ZHX2: variants seen among roughly 807,000 people sequenced by gnomAD.
ZHX2 encodes the protein zinc fingers and homeoboxes protein 2.
In ZHX2, 6 loss-of-function variants were observed where a neutral mutation model predicts 21.9. That is an observed-to-expected ratio of 0.27 (90% CI 0.15 to 0.54). ZHX2 has a LOEUF of 0.54. ZHX2 is among the 20% of genes least tolerant of loss of function. ZHX2 has a pLI of 0.95. For missense variants in ZHX2, 908 were observed against 1,090.7 expected, an observed-to-expected ratio of 0.83 and a Z score of 2.36; for synonymous variants, 434 against 437.1, an observed-to-expected ratio of 0.99 and a Z score of 0.09.
intron 2 of ZHX2, among the ~76,000 whole-genome samples, chr8:122,888,655 G>T (rs891163751): frequency 6.6e-6 from 1 of 152,092 alleles, no homozygotes; most frequent in South Asian, 2.1e-4. Flanking sequence ...GCTAATTTTT[G>T]TATTCTTAAT....
intron 2 of ZHX2, among the ~76,000 whole-genome samples, chr8:122,904,309 C>T (rs186978591): frequency 8.5e-4 from 129 of 152,328 alleles, no homozygotes; most frequent in African/African-American, 2.9e-3. Flanking sequence ...CCAGCCCCTG[C>T]TCCACCAGCA....
chr8:122,949,943 A>G (rs2130263395), intron 2 of ZHX2, among the ~76,000 whole-genome samples: 2 of 152,292 alleles, frequency 1.3e-5, no homozygotes, highest in East Asian at 3.9e-4. Flanking sequence ...TCTAATCAGC[A>G]AGGCTTTTTA....
At chr8:122,787,048 A>G (rs938662030) in intron 1 of ZHX2, among the ~76,000 whole-genome samples, 13 of 138,744 alleles carry the variant, frequency 9.4e-5, no homozygotes, top group African/African-American at 3.6e-4. Flanking sequence ...TCCTGTTCTT[A>G]CACTTGTAAT....
chr8:122,841,118 T>C (rs188382514), intron 1 of ZHX2, among the ~76,000 whole-genome samples: 1 of 152,326 alleles, frequency 6.6e-6, no homozygotes, highest in African/African-American at 2.4e-5. Context: ...CAGCATTACG[T>C]ACTGCTGCCA....
At position 122,935,777 on chromosome 8, in the gene ZHX2, C is replaced by T. The variant is rs772524410; in HGVS notation, c.-219-15515C>T. Among the ~76,000 whole-genome samples, 30 of 152,172 alleles carry T rather than the reference C, an allele frequency of 2.0e-4. 1 individual carries two copies. The highest frequency in any genetic ancestry group is 5.1e-4 in the African/African-American group (21 of 41,526). On this transcript the variant is annotated intron_variant, in intron 2 of 3. Coordinates refer to ENST00000314393, the MANE Select transcript of ZHX2 (RefSeq NM_014943.5). ...GTCTCGATCTCCTGACCTCGTGATC[C>T]GCCCACCTCAGCCTCCCAAAGTGCT...
chr8:122,912,802 C>A (rs1820513612), intron 2 of ZHX2, among the ~76,000 whole-genome samples: 2 of 152,014 alleles, frequency 1.3e-5, no homozygotes, highest in South Asian at 2.1e-4. Context: ...GCAAAGGGTT[C>A]TTTGCTGTGG....
At chr8:122,886,075 C>G (rs554211813) in intron 2 of ZHX2, among the ~76,000 whole-genome samples, 5 of 152,270 alleles carry the variant, frequency 3.3e-5, no homozygotes, top group African/African-American at 9.6e-5. Flanking sequence ...TTAGAAACAA[C>G]CAGAATGCCC....
chr8:122,875,352 C>T (rs1178042801), intron 2 of ZHX2, among the ~76,000 whole-genome samples: 1 of 151,742 alleles, frequency 6.6e-6, no homozygotes, highest in Non-Finnish European at 1.5e-5. Flanking sequence ...GAACAATATG[C>T]AACCGAGGTT....
At chr8:122,897,637 G>A (rs1212567358) in intron 2 of ZHX2, among the ~76,000 whole-genome samples, 1 of 151,748 alleles carries the variant, frequency 6.6e-6, no homozygotes, top group African/African-American at 2.4e-5. Context: ...TAAAGACTAG[G>A]TTAGCATCCC....
rs372912484 is a variant in ZHX2 at position 122,802,190 on chromosome 8, A to T, written c.-283+20244A>T. ...GCGATTTTCCTGCCTCAGCCTCCCG[A>T]GTAGCTGGGATTACAGGTGTGTACC... On this transcript the variant is annotated intron_variant, in intron 1 of 3. Coordinates refer to ENST00000314393, the MANE Select transcript of ZHX2 (RefSeq NM_014943.5). Among the ~76,000 whole-genome samples, 277 of 152,220 alleles carry T rather than the reference A, an allele frequency of 1.8e-3. 1 individual carries two copies. The highest frequency in any genetic ancestry group is 6.4e-3 in the African/African-American group (267 of 41,554).
chr8:122,817,005 G>A (rs1319843122), intron 1 of ZHX2, among the ~76,000 whole-genome samples: 2 of 152,214 alleles, frequency 1.3e-5, no homozygotes, highest in Non-Finnish European at 2.9e-5. Flanking sequence ...TCTCCATGCA[G>A]ATGGTGGATG....
rs578207035 is a variant in ZHX2 at position 122,821,643 on chromosome 8, C to T, written c.-283+39697C>T. 2.5e-4 allele frequency among the ~76,000 whole-genome samples: 38 copies of T among 152,064 alleles called. 1 individual carries two copies. The East Asian group carries it at 5.2e-3, about 21-fold the overall frequency. On this transcript the variant is annotated intron_variant, in intron 1 of 3. Transcript: ENST00000314393. ...GCAACACAGAGATGTGAGGTGAGAG[C>T]GGGTAGACATTAGAACTTGACACAC...
At chr8:122,832,424 A>C (rs992131434) in intron 1 of ZHX2, among the ~76,000 whole-genome samples, 1 of 152,204 alleles carries the variant, frequency 6.6e-6, no homozygotes, top group Non-Finnish European at 1.5e-5. Flanking sequence ...AGAGGTAGGC[A>C]ACAACCTGGA....
At chr8:122,799,819 A>G (rs954013570) in intron 1 of ZHX2, among the ~76,000 whole-genome samples, 3 of 152,164 alleles carry the variant, frequency 2.0e-5, no homozygotes, top group Non-Finnish European at 2.9e-5. Context: ...TTGTAGGAGT[A>G]ATGGGCATTT....
In ZHX2 at chr8:122,870,942, T is replaced by C. The variant is rs143240185; in HGVS notation, c.-220+7403T>C. Among the ~76,000 whole-genome samples, 103 of 152,306 alleles carry C rather than the reference T, an allele frequency of 6.8e-4. No individual in the cohort carries two copies. The East Asian group carries it at 0.013, about 19-fold the overall frequency. On this transcript the variant is annotated intron_variant, in intron 2 of 3. Transcript: ENST00000314393. ...GCTTGAGAATCTAAGAGACTGATCT[T>C]GTTAACCAAGTAGTGGACAAAAGCA...
At position 122,865,375 on chromosome 8, in the gene ZHX2, G is replaced by C. The variant is rs572899284; in HGVS notation, c.-220+1836G>C. Among the ~76,000 whole-genome samples, 6 of 152,196 alleles carry C rather than the reference G, an allele frequency of 3.9e-5. No homozygotes were observed. The South Asian group carries it at 1.2e-3, about 32-fold the overall frequency. On this transcript the variant is annotated intron_variant, in intron 2 of 3. Transcript: ENST00000314393. ...GATCTCCTGACCTCATGATCCGCCC[G>C]CCTCAGCCTTCCAAAGTGCTGGGAT...
intron 1 of ZHX2, among the ~76,000 whole-genome samples, chr8:122,816,059 G>A (rs1482278764): frequency 3.0e-5 from 4 of 131,276 alleles, no homozygotes; most frequent in African/African-American, 5.8e-5. Context: ...CAGCCTGGGC[G>A]ACAGAGCAAG....
At chr8:122,903,378 A>C (rs1324632913) in intron 2 of ZHX2, among the ~76,000 whole-genome samples, 1 of 152,224 alleles carries the variant, frequency 6.6e-6, no homozygotes, top group Non-Finnish European at 1.5e-5. Flanking sequence ...AGCATGACCC[A>C]GTCCTTTAAT....
chr8:122,946,613 G>A (rs544188455), intron 2 of ZHX2, among the ~76,000 whole-genome samples: 3 of 152,028 alleles, frequency 2.0e-5, no homozygotes, highest in African/African-American at 4.8e-5. Context: ...GGGAAGTTTC[G>A]GTAAAAAAAG....
Sources: gnomAD v4.1 joint callset for allele counts (sites outside exome capture counted in the v4.1 genomes callset) on GRCh38, gnomAD v4.1.1 for gene constraint, MANE v1.5 for transcripts, NCBI Gene and HGNC (gene_info 2026-07-23, HGNC 2026-07-21) for gene names.